The following DRD2 variants were observed in gnomAD, a reference collection of about 807,000 sequenced individuals.
DRD2 encodes the protein D(2) dopamine receptor.
A neutral mutation model predicts 38.0 loss-of-function variants in DRD2; 8 were observed. That is an observed-to-expected ratio of 0.21 (90% confidence interval 0.12 to 0.38). The LOEUF is 0.38. Among genes scored for constraint, DRD2 ranks in the 10% least tolerant of loss-of-function variants. DRD2 has a pLI of 1.00. For synonymous variants in DRD2, 230 were observed against 238.6 expected (o/e 0.96, Z 0.33); for missense variants, 403 against 607.7 (o/e 0.66, Z 3.54).
In DRD2 at chr11:113,412,434, G is replaced by C. The variant is rs148313257; in HGVS notation, c.1138+122C>G. ...TAATAGGGCTGTCTGTATGTCAATG[G>C]GCTTGGCCTGTGCCTGAGGAAATGC... On this transcript the variant is annotated intron_variant, in intron 7 of 7. Transcript: ENST00000362072. The C allele has an allele frequency of 3.6e-3, 4,432 of 1,233,786 alleles. 14 individuals are homozygous for C. The highest frequency in any genetic ancestry group is 4.5e-3 in the Non-Finnish European group (3,919 of 868,318). The allele number at this position is 1,233,786 out of a possible 1,614,324, so 76.4% of individuals were successfully genotyped here. A position where few individuals can be genotyped will look rare whatever the true frequency, so the allele number is the denominator to read the frequency against.
chr11:113,420,433 G>C (rs1326831313), intron 2 of DRD2, among the ~76,000 whole-genome samples: 1 of 152,196 alleles, frequency 6.6e-6, no homozygotes, highest in African/African-American at 2.4e-5. Flanking sequence ...AGTTAGGGCT[G>C]CTAACTTAAA....
At chr11:113,457,022 A>G (rs1473920221) in intron 1 of DRD2, among the ~76,000 whole-genome samples, 1 of 152,186 alleles carries the variant, frequency 6.6e-6, no homozygotes, top group Non-Finnish European at 1.5e-5. Flanking sequence ...CTCCATGTGC[A>G]GCATTTGAGA....
chr11:113,440,596 A>G (rs558498623), intron 1 of DRD2, among the ~76,000 whole-genome samples: 1 of 152,362 alleles, frequency 6.6e-6, no homozygotes, highest in East Asian at 1.9e-4. Context: ...CAAGTGCTTC[A>G]TTAGATATGA....
rs568884701 is a variant in DRD2 at position 113,412,758 on chromosome 11, G to A, written c.936C>T (p.His312=). ...TGTCGGGAGTGCTGTGGAGACCATG[G>A]TGGGACGGGTCGGGGAGAGTCAGCT... ...HHQLTLPDPS[H]HGLHSTPDSP... is the part of the protein sequence containing the mutation. The change falls in exon 7 of 8, where the codon CAC becomes CAT. Residue 312 remains histidine (H), a synonymous_variant. Coordinates refer to ENST00000362072, the MANE Select transcript of DRD2 (RefSeq NM_000795.4). 35 of 1,613,866 alleles carry A rather than the reference G, an allele frequency of 2.2e-5. No individual in the cohort carries two copies. Among genetic ancestry groups the A allele is most frequent in the Middle Eastern group, 1.6e-4 (1 of 6,084 alleles).
At chr11:113,417,174 A>G (rs959040219) in intron 3 of DRD2, among the ~76,000 whole-genome samples, 175 bp from the exon 4 acceptor site, 1 of 152,236 alleles carries the variant, frequency 6.6e-6, no homozygotes, top group African/African-American at 2.4e-5. Context: ...TCAGATGGCG[A>G]GGACAGTTGG....
intron 1 of DRD2, among the ~76,000 whole-genome samples, chr11:113,456,632 C>T (rs1451428021): frequency 6.6e-6 from 1 of 151,918 alleles, no homozygotes; most frequent in Non-Finnish European, 1.5e-5. Flanking sequence ...AGACAGCATG[C>T]TAAGGGAAAT....
Position 113,412,889 on chromosome 11 carries a change from C to T in DRD2, c.811-6G>A. 6.2e-7 allele frequency: 1 copy of T among 1,609,810 alleles called. No individual in the cohort carries two copies. Among genetic ancestry groups the T allele is most frequent in the Non-Finnish European group, 8.5e-7 (1 of 1,179,528 alleles). On this transcript the variant is annotated splice_polypyrimidine_tract_variant and splice_region_variant and intron_variant, in intron 6 of 7. Coordinates refer to ENST00000362072, the MANE Select transcript of DRD2 (RefSeq NM_000795.4). ...TGGGCTCGCCGGGCAGCCTCCTGCA[C>T]CAGAGGCAGAGGGCTCTGGGTAAAG...
intron 1 of DRD2, among the ~76,000 whole-genome samples, chr11:113,428,069 C>T (rs766958875): frequency 3.9e-5 from 6 of 152,186 alleles, no homozygotes; most frequent in Non-Finnish European, 8.8e-5. Context: ...TCTGGGACGT[C>T]CCAGCCTCCA....
Position 113,469,445 on chromosome 11 carries a change from A to G in DRD2, c.-32+5631T>C, listed in dbSNP as rs1175139231. On this transcript the variant is annotated intron_variant, in intron 1 of 7. Transcript: ENST00000362072. Reference sequence around the variant, plus strand: ...TATTCTCCTCCTTTTCTTGTTCTTTATGCCACTTACGTATCAGAGAGGGCT... The same window carrying G: ...TATTCTCCTCCTTTTCTTGTTCTTTGTGCCACTTACGTATCAGAGAGGGCT... Among the ~76,000 whole-genome samples the G allele has an allele frequency of 6.6e-5, 10 of 152,078 alleles. No individual in the cohort carries two copies. The East Asian group carries it at 1.9e-3, about 29-fold the overall frequency.
At chr11:113,453,860 G>A (rs569525056) in intron 1 of DRD2, among the ~76,000 whole-genome samples, 1 of 152,284 alleles carries the variant, frequency 6.6e-6, no homozygotes, top group East Asian at 1.9e-4. Context: ...GAAGGTCAAT[G>A]TATATTAGTC....
At chr11:113,423,785 T>C (rs527494930) in intron 2 of DRD2, among the ~76,000 whole-genome samples, 1 of 152,262 alleles carries the variant, frequency 6.6e-6, no homozygotes, top group East Asian at 1.9e-4. Context: ...AGCCTCTACC[T>C]GCAGGTCCTG....
chr11:113,432,215 A>G (rs1950993443), intron 1 of DRD2, among the ~76,000 whole-genome samples: 1 of 152,074 alleles, frequency 6.6e-6, no homozygotes, highest in South Asian at 2.1e-4. Context: ...TCAATCTGTT[A>G]GGACAGCCTG....
chr11:113,427,212 T>C (rs944434562), intron 1 of DRD2, among the ~76,000 whole-genome samples: 1 of 152,228 alleles, frequency 6.6e-6, no homozygotes, highest in Non-Finnish European at 1.5e-5. Flanking sequence ...CTTGATCTTG[T>C]CTAATTATTA....
intron 1 of DRD2, among the ~76,000 whole-genome samples, chr11:113,428,289 G>A (rs1433139914): frequency 1.3e-5 from 2 of 152,172 alleles, no homozygotes; most frequent in South Asian, 2.1e-4. Flanking sequence ...CACAAGAAAG[G>A]CATCAGGTGA....
chr11:113,456,819 A>G (rs1487211449), intron 1 of DRD2, among the ~76,000 whole-genome samples: 3 of 152,228 alleles, frequency 2.0e-5, no homozygotes, highest in Admixed American at 1.3e-4. Flanking sequence ...CTGGAGATCT[A>G]TTTTACAATA....
chr11:113,474,136 G>A (rs1328598919), intron 1 of DRD2: 1 of 152,224 alleles, frequency 6.6e-6, no homozygotes, highest in Non-Finnish European at 1.5e-5. Context: ...GCTTCCTTGT[G>A]GCTGAGAGCA....
chr11:113,415,687 T>C, intron 4 of DRD2, 76 bp from the exon 5 acceptor site: 1 of 1,506,112 alleles, frequency 6.6e-7, no homozygotes, highest in Non-Finnish European at 9.0e-7. Context: ...CCCATTCATG[T>C]CCTTCCAGGA....
At chr11:113,430,821 A>C (rs1950979053) in intron 1 of DRD2, among the ~76,000 whole-genome samples, 1 of 152,170 alleles carries the variant, frequency 6.6e-6, no homozygotes, top group Non-Finnish European at 1.5e-5. Context: ...TGTTGAGGGA[A>C]AATGCAAAGC....
rs1950998131 is a variant in DRD2, at chr11:113,432,595, T to C, written c.-31-7913A>G. ...CATCATTTTTTCCTCTTTTCTGAGATGCAAAGCATTTCAATGAAAAAGTAG... is the reference window on the plus strand; with the variant it reads ...CATCATTTTTTCCTCTTTTCTGAGACGCAAAGCATTTCAATGAAAAAGTAG... On this transcript the variant is annotated intron_variant, in intron 1 of 7. Coordinates refer to ENST00000362072, the MANE Select transcript of DRD2 (RefSeq NM_000795.4). Among the ~76,000 whole-genome samples, 3 of 152,196 alleles carry C rather than the reference T, an allele frequency of 2.0e-5. No individual in the cohort carries two copies. The South Asian group carries it at 6.2e-4, about 32-fold the overall frequency.
Sources: allele counts gnomAD v4.1 joint callset (sites outside exome capture counted in the v4.1 genomes callset), GRCh38; gene constraint gnomAD v4.1.1; transcripts MANE v1.5; gene names NCBI Gene and HGNC (gene_info 2026-07-23, HGNC 2026-07-21).